The following RAB3C variants were observed in gnomAD, a reference collection of about 807,000 sequenced individuals.
RAB3C encodes the protein ras-related protein Rab-3C.
Under a neutral mutation model 26.4 loss-of-function variants are expected in RAB3C, and 17 were observed. The observed-to-expected ratio is 0.64, with a 90% confidence interval of 0.44 to 0.97. The LOEUF (loss-of-function observed/expected upper bound fraction) is 0.97. RAB3C is among the 50% of genes least tolerant of loss of function. RAB3C has a pLI of 0.00. For missense variants in RAB3C, 242 were observed against 281.9 expected (o/e 0.86, Z 1.01); for synonymous variants, 91 against 95.9 (o/e 0.95, Z 0.30).
intron 3 of RAB3C, among the ~76,000 whole-genome samples, chr5:58,810,245 AC>A (rs1218177862): frequency 6.6e-6 from 1 of 152,228 alleles, no homozygotes; most frequent in Non-Finnish European, 1.5e-5. Flanking sequence ...CTCTTAGCAT[AC>A]AGGACACAGC....
chr5:58,660,594 G>T lies in RAB3C; in HGVS notation c.252+42724G>T, dbSNP rs1747882554. Among the ~76,000 whole-genome samples, 3 of 150,214 alleles carry T rather than the reference G, an allele frequency of 2.0e-5. No individual in the cohort carries two copies. In the South Asian group the frequency reaches 6.2e-4, roughly 31 times the overall value. ...CAATGGCAGCCCCATTTTATCACATGAATCAGATGAGAGAAGGAGCCCACA... is the reference window on the plus strand; with the variant it reads ...CAATGGCAGCCCCATTTTATCACATTAATCAGATGAGAGAAGGAGCCCACA... On this transcript the variant is annotated intron_variant, in intron 2 of 4. Transcript: ENST00000282878.
At chr5:58,669,833 G>T (rs1021280415) in intron 2 of RAB3C, among the ~76,000 whole-genome samples, 6 of 152,148 alleles carry the variant, frequency 3.9e-5, no homozygotes, top group Admixed American at 3.9e-4. Context: ...AGACAACCAA[G>T]AACTCATCAT....
rs1369206190 is a variant in RAB3C at position 58,596,590 on chromosome 5, A to G, written c.24+13358A>G. ...ATATAAATATATAATACTATATAAT[A>G]CATAATATATTATATATAAATATAT... On this transcript the variant is annotated intron_variant, in intron 1 of 4. Coordinates refer to ENST00000282878, the MANE Select transcript of RAB3C (RefSeq NM_138453.4). Among the ~76,000 whole-genome samples, 11 of 123,340 alleles carry G rather than the reference A, an allele frequency of 8.9e-5. No individual in the cohort carries two copies. In the East Asian group the frequency reaches 2.2e-3, roughly 24 times the overall value. The allele number at this position is 123,340 out of a possible 152,430, so 80.9% of individuals were successfully genotyped here.
At chr5:58,766,553 G>A (rs941825117) in intron 3 of RAB3C, among the ~76,000 whole-genome samples, 5 of 152,180 alleles carry the variant, frequency 3.3e-5, no homozygotes, top group Admixed American at 2.0e-4. Context: ...ATTTGAGAAA[G>A]AATAATTAAG....
intron 3 of RAB3C, chr5:58,823,031 CA>C (rs1743379047): frequency 1.7e-6 from 1 of 593,348 alleles, no homozygotes; most frequent in African/African-American, 1.8e-5. Context: ...TTCTGTCCCT[CA>C]CAGTACCAGA....
At chr5:58,621,209 T>G (rs1161828601) in intron 2 of RAB3C, among the ~76,000 whole-genome samples, 1 of 152,234 alleles carries the variant, frequency 6.6e-6, no homozygotes, top group African/African-American at 2.4e-5. Flanking sequence ...GGTTTCATAG[T>G]ATGAAAGCCA....
intron 3 of RAB3C, among the ~76,000 whole-genome samples, chr5:58,746,173 G>A (rs541308340): frequency 6.6e-6 from 1 of 152,334 alleles, no homozygotes; most frequent in Admixed American, 6.5e-5. Flanking sequence ...TAGGATTGAT[G>A]ATGAATATAA....
chr5:58,752,971 C>A (rs1405000169), intron 3 of RAB3C, among the ~76,000 whole-genome samples: 3 of 151,516 alleles, frequency 2.0e-5, no homozygotes, highest in Non-Finnish European at 4.4e-5. Flanking sequence ...GGATCCCAGG[C>A]AGGGTCAATT....
intron 1 of RAB3C, among the ~76,000 whole-genome samples, chr5:58,615,860 T>A (rs973484096): frequency 2.0e-5 from 3 of 152,236 alleles, no homozygotes; most frequent in Admixed American, 6.5e-5. Flanking sequence ...TTGTCCTTAT[T>A]CTTATACATA....
intron 2 of RAB3C, among the ~76,000 whole-genome samples, chr5:58,669,851 C>T (rs1748076510): frequency 1.3e-5 from 2 of 152,238 alleles, no homozygotes; most frequent in South Asian, 4.1e-4. Context: ...CATCCAGTTC[C>T]CATCAAAGAT....
intron 2 of RAB3C, among the ~76,000 whole-genome samples, chr5:58,661,204 G>C (rs1361958235): frequency 1.3e-5 from 2 of 150,058 alleles, no homozygotes; most frequent in Non-Finnish European, 2.9e-5. Flanking sequence ...CATGTCTCAT[G>C]GGCTTTTCAT....
chr5:58,665,082 A>G (rs1367326635), intron 2 of RAB3C, among the ~76,000 whole-genome samples: 1 of 152,208 alleles, frequency 6.6e-6, no homozygotes, highest in African/African-American at 2.4e-5. Context: ...TTGCTAAAAT[A>G]TCACTTCCTG....
At chr5:58,584,760 A>T (rs1007575754) in intron 1 of RAB3C, among the ~76,000 whole-genome samples, 1 of 152,176 alleles carries the variant, frequency 6.6e-6, no homozygotes, top group Non-Finnish European at 1.5e-5. Flanking sequence ...GTTAATATTT[A>T]AAGTAAACTA....
At chr5:58,650,271 G>A (rs896176313) in intron 2 of RAB3C, among the ~76,000 whole-genome samples, 1 of 152,096 alleles carries the variant, frequency 6.6e-6, no homozygotes, top group African/African-American at 2.4e-5. Context: ...TAAGATGCAA[G>A]ATATATATTT....
intron 3 of RAB3C, chr5:58,822,459 G>T: frequency 6.2e-6 from 1 of 160,394 alleles, no homozygotes; most frequent in East Asian, 1.7e-4. Context: ...TGCTGGGCCT[G>T]CAGGTCTGTG....
chr5:58,777,748 C>T lies in RAB3C; in HGVS notation c.372-47290C>T, dbSNP rs565454024. Among the ~76,000 whole-genome samples, 8 of 147,476 alleles carry T rather than the reference C, an allele frequency of 5.4e-5. 1 individual carries two copies. The South Asian group carries it at 1.4e-3, about 26-fold the overall frequency. ...CTCCGAATGCTATCCTTCTCCCCTC[C>T]CCCCACCCCATGACAAGCCCTGGTG... On this transcript the variant is annotated intron_variant, in intron 3 of 4. Coordinates refer to ENST00000282878, the MANE Select transcript of RAB3C (RefSeq NM_138453.4).
At chr5:58,645,787 T>C (rs1314671635) in intron 2 of RAB3C, among the ~76,000 whole-genome samples, 2 of 152,106 alleles carry the variant, frequency 1.3e-5, no homozygotes, top group Admixed American at 1.3e-4. Flanking sequence ...AGGATTGGTG[T>C]TGAGGGTCAG....
rs1354581722 is a variant in RAB3C at position 58,658,816 on chromosome 5, C to T, written c.252+40946C>T. 2.6e-5 allele frequency among the ~76,000 whole-genome samples: 4 copies of T among 152,152 alleles called. No homozygotes were observed. In the East Asian group the frequency reaches 7.7e-4, roughly 29 times the overall value. Reference sequence around the variant, plus strand: ...TACTGAGCCAAGTGTATTTCATCATCTAGCAGACCACCCTGGGTTTGTCTA... The same window carrying T: ...TACTGAGCCAAGTGTATTTCATCATTTAGCAGACCACCCTGGGTTTGTCTA... On this transcript the variant is annotated intron_variant, in intron 2 of 4. Transcript: ENST00000282878.
At chr5:58,685,275 A>G (rs1029976334) in intron 2 of RAB3C, among the ~76,000 whole-genome samples, 8 of 152,160 alleles carry the variant, frequency 5.3e-5, no homozygotes, top group Non-Finnish European at 1.2e-4. Context: ...GATGTCTAAA[A>G]TGAATCTATT....
Sources: allele counts gnomAD v4.1 joint callset (sites outside exome capture counted in the v4.1 genomes callset), GRCh38; gene constraint gnomAD v4.1.1; transcripts MANE v1.5; gene names NCBI Gene and HGNC (gene_info 2026-07-23, HGNC 2026-07-21).